Variants in DNAI3 observed in about 807,000 individuals in gnomAD.
DNAI3 encodes the protein WD repeat domain 63.
DNAI3 carries 83 observed loss-of-function variants against 115.5 expected under a neutral mutation model. That is an observed-to-expected ratio of 0.72 (90% CI 0.60 to 0.86). The LOEUF is 0.86. DNAI3 is among the 40% of genes least tolerant of loss of function. DNAI3 has a pLI of 0.00. For missense variants in DNAI3, 1,004 were observed against 1,075.8 expected (o/e 0.93, Z 0.93); for synonymous variants, 320 against 347.0 (o/e 0.92, Z 0.86).
chr1:85,112,966 G>A (rs1655700856), intron 16 of DNAI3, among the ~76,000 whole-genome samples: 1 of 151,992 alleles, frequency 6.6e-6, no homozygotes, highest in African/African-American at 2.4e-5. Flanking sequence ...ACAGGGTTTT[G>A]CCATGTTGGC....
intron 13 of DNAI3, 78 bp downstream of exon 13, chr1:85,098,736 T>G: frequency 6.4e-7 from 1 of 1,564,826 alleles, no homozygotes; most frequent in Non-Finnish European, 8.7e-7. Flanking sequence ...ATGTTTCAAG[T>G]CAACAATTCA....
intron 1 of DNAI3, among the ~76,000 whole-genome samples, chr1:85,066,463 A>G (rs1654101408): frequency 6.6e-6 from 1 of 151,452 alleles, no homozygotes; most frequent in Non-Finnish European, 1.5e-5. Flanking sequence ...AGTAGCTGAG[A>G]CTACAGGCGC....
intron 8 of DNAI3, among the ~76,000 whole-genome samples, chr1:85,091,854 ATG>A (rs1557713879): frequency 6.6e-6 from 1 of 152,174 alleles, no homozygotes; most frequent in Non-Finnish European, 1.5e-5. Context: ...CAGAAGAAAG[ATG>A]TGTTTTCACT....
intron 10 of DNAI3, among the ~76,000 whole-genome samples, chr1:85,095,129 A>T (rs1474439153): frequency 6.6e-6 from 1 of 152,200 alleles, no homozygotes; most frequent in Non-Finnish European, 1.5e-5. Context: ...CAACCAAAAC[A>T]CATAGCAATT....
At chr1:85,109,445 A>C (rs1346482786) in intron 15 of DNAI3, among the ~76,000 whole-genome samples, 2 of 152,216 alleles carry the variant, frequency 1.3e-5, no homozygotes, top group Non-Finnish European at 2.9e-5. Context: ...CTGAGCTATG[A>C]ATAGTTCAAA....
chr1:85,073,166 A>G, intron 3 of DNAI3, 74 bp downstream of exon 3: 1 of 1,116,874 alleles, frequency 9.0e-7, no homozygotes, highest in Non-Finnish European at 1.3e-6. Context: ...GCAAGCAGGA[A>G]TACTACAAAC....
intron 3 of DNAI3, among the ~76,000 whole-genome samples, chr1:85,080,287 G>A (rs1177252430): frequency 1.3e-5 from 2 of 152,016 alleles, no homozygotes; most frequent in Admixed American, 1.3e-4. Context: ...TCCTGACCTC[G>A]TGATCCGCCT....
At chr1:85,093,947 G>A (rs1655055273) in intron 9 of DNAI3, 2 of 539,414 alleles carry the variant, frequency 3.7e-6, no homozygotes, top group Non-Finnish European at 3.5e-6. Context: ...TTGGGCTTGG[G>A]CCTGTTGCTC....
At chr1:85,095,257 A>G (rs1019562975) in intron 10 of DNAI3, among the ~76,000 whole-genome samples, 1 of 152,170 alleles carries the variant, frequency 6.6e-6, no homozygotes, top group African/African-American at 2.4e-5. Flanking sequence ...AAGTTATTTC[A>G]ATGTTTTAAA....
intron 19 of DNAI3, among the ~76,000 whole-genome samples, chr1:85,125,447 A>G (rs1195464638): frequency 1.3e-5 from 2 of 152,034 alleles, no homozygotes; most frequent in Non-Finnish European, 2.9e-5. Flanking sequence ...CAAAAACTGT[A>G]TATTTATCAT....
intron 10 of DNAI3, among the ~76,000 whole-genome samples, chr1:85,094,870 C>T (rs1655080885): frequency 6.6e-6 from 1 of 152,096 alleles, no homozygotes; most frequent in Non-Finnish European, 1.5e-5. Flanking sequence ...ATTTTAGTTT[C>T]ACATGAGTTT....
intron 10 of DNAI3, among the ~76,000 whole-genome samples, chr1:85,095,042 G>A (rs1343566559): frequency 6.6e-6 from 1 of 152,074 alleles, no homozygotes; most frequent in East Asian, 1.9e-4. Context: ...GAGAAATTTG[G>A]AATTTTGTAT....
At chr1:85,098,725 G>C in intron 13 of DNAI3, 67 bp downstream of exon 13, 2 of 1,575,650 alleles carry the variant, frequency 1.3e-6, no homozygotes, top group Non-Finnish European at 1.7e-6. Flanking sequence ...ATGCAAAGAA[G>C]ATGTTTCAAG....
Position 85,082,335 on chromosome 1 carries a change from C to G in DNAI3, c.321C>G (p.Asp107Glu). ...YPGNELLLVY[D>E]KDFKYGLNFY... ...GAAATGAGCTTCTGCTTGTTTATGACAAAGACTTCAAATATGGACTTAACT... is the reference window on the plus strand; with the variant it reads ...GAAATGAGCTTCTGCTTGTTTATGAGAAAGACTTCAAATATGGACTTAACT... Residue 107 changes from aspartate to glutamate, a missense_variant, in exon 5 of 23, where the codon GAC (aspartate) becomes GAG (glutamate). This residue lies in a region of DNAI3 where 550 missense variants were observed against 568.1 expected (regional missense o/e 0.97). Coordinates refer to ENST00000294664, the MANE Select transcript of DNAI3 (RefSeq NM_145172.5). 1 of 1,613,718 alleles carries G rather than the reference C, an allele frequency of 6.2e-7. No homozygotes were observed. The highest frequency in any genetic ancestry group is 8.5e-7 in the Non-Finnish European group (1 of 1,179,850).
At chr1:85,066,122 A>G (rs1250862813) in intron 1 of DNAI3, among the ~76,000 whole-genome samples, 1 of 152,182 alleles carries the variant, frequency 6.6e-6, no homozygotes, top group Non-Finnish European at 1.5e-5. Context: ...ATTAATTTAC[A>G]AAGAAAATAA....
intron 3 of DNAI3, among the ~76,000 whole-genome samples, chr1:85,073,666 C>T (rs1654357081): frequency 2.0e-5 from 3 of 152,138 alleles, no homozygotes; most frequent in African/African-American, 7.2e-5. Flanking sequence ...AGGAGGAAGA[C>T]CTAAAAGCCC....
intron 22 of DNAI3, among the ~76,000 whole-genome samples, chr1:85,131,397 T>C (rs561699041): frequency 1.4e-5 from 2 of 138,786 alleles, no homozygotes; most frequent in South Asian, 4.4e-4. Context: ...TGAGCCGAGA[T>C]TGTGCCATTG....
chr1:85,130,688 G>C (rs1285115883), intron 22 of DNAI3, among the ~76,000 whole-genome samples: 1 of 84,732 alleles, frequency 1.2e-5, no homozygotes, highest in Non-Finnish European at 2.4e-5. Flanking sequence ...TAGATAGATA[G>C]ATAGATAGAT....
At chr1:85,125,812 C>T (rs1333768093) in intron 19 of DNAI3, among the ~76,000 whole-genome samples, 1 of 152,062 alleles carries the variant, frequency 6.6e-6, no homozygotes, top group African/African-American at 2.4e-5. Context: ...TGTAAGTAGG[C>T]GAAGGAGCAC....
Sources: gnomAD v4.1 joint callset for allele counts (sites outside exome capture counted in the v4.1 genomes callset) on GRCh38, gnomAD v4.1.1 for gene constraint, gnomAD v4.1.1 regional missense constraint, MANE v1.5 for transcripts, NCBI Gene and HGNC (gene_info 2026-07-23, HGNC 2026-07-21) for gene names.